Variants in CDH12 observed in about 807,000 individuals in gnomAD.
CDH12 encodes cadherin 12.
CDH12 carries 41 observed loss-of-function variants against 74.1 expected under a neutral mutation model. The observed-to-expected ratio is 0.55, with a 90% confidence interval of 0.43 to 0.72. The LOEUF is 0.72. Ranked by LOEUF, CDH12 falls within the 30% of genes least tolerant of loss-of-function variation. CDH12 has a pLI of 0.00. For synonymous variants in CDH12, 399 were observed against 355.0 expected (o/e 1.12, Z -1.39); for missense variants, 945 against 977.2 (o/e 0.97, Z 0.44).
chr5:22,233,179 G>A (rs1243049694), intron 3 of CDH12, among the ~76,000 whole-genome samples: 2 of 151,552 alleles, frequency 1.3e-5, no homozygotes, highest in African/African-American at 4.8e-5. Context: ...ATTCATAAAC[G>A]TAATTCTGCT....
chr5:22,265,123 C>G (rs557400801), intron 3 of CDH12, among the ~76,000 whole-genome samples: 1 of 152,232 alleles, frequency 6.6e-6, no homozygotes, highest in East Asian at 1.9e-4. Flanking sequence ...AGCCAGAGAA[C>G]AGCAGAGGTA....
chr5:21,774,149 G>T (rs1299013634), intron 11 of CDH12, among the ~76,000 whole-genome samples: 2 of 152,098 alleles, frequency 1.3e-5, no homozygotes, highest in African/African-American at 4.8e-5. Flanking sequence ...ATTTGAGTCA[G>T]TAGAATGGGA....
chr5:21,994,160 T>C (rs1736130376), intron 5 of CDH12, among the ~76,000 whole-genome samples: 1 of 151,842 alleles, frequency 6.6e-6, no homozygotes, highest in Non-Finnish European at 1.5e-5. Flanking sequence ...TGGCCAATAA[T>C]CATGGGCAGC....
chr5:22,744,645 A>G (rs567346342), intron 1 of CDH12, among the ~76,000 whole-genome samples: 1 of 152,274 alleles, frequency 6.6e-6, no homozygotes, highest in African/African-American at 2.4e-5. Flanking sequence ...AATTTTATAG[A>G]TAGCAACTGT....
chr5:22,684,736 A>T (rs10045913), intron 1 of CDH12, among the ~76,000 whole-genome samples: 100,033 of 152,066 alleles, frequency 0.66, 33,076 homozygotes, highest in African/African-American at 0.69. Context: ...TACTTGCAAC[A>T]TCGTTGTATA....
At chr5:22,270,367 G>C (rs1469035442) in intron 3 of CDH12, among the ~76,000 whole-genome samples, 9 of 152,026 alleles carry the variant, frequency 5.9e-5, no homozygotes, top group Non-Finnish European at 1.2e-4. Context: ...AGGCTGAGGT[G>C]GGCGGATCAT....
chr5:22,483,759 T>C (rs753819325), intron 2 of CDH12, among the ~76,000 whole-genome samples: 1 of 97,576 alleles, frequency 1.0e-5, no homozygotes, highest in Non-Finnish European at 2.1e-5. Flanking sequence ...TATATATATA[T>C]ATATAAATTT....
chr5:21,817,122 G>A lies in CDH12; in HGVS notation c.825C>T (p.His275=), dbSNP rs1161484242. ...NPPRFPKSIF[H]LKVPESSPIG... is the part of the protein sequence containing the mutation. ...TAGGGGAAGACTCAGGAACTTTCAA[G>A]TGGAAGATGCCTGATAAGACATATA... Residue 275 remains histidine (H), a synonymous_variant, in exon 9 of 15, where the codon CAC becomes CAT. Transcript: ENST00000382254. 3.1e-6 allele frequency: 5 copies of A among 1,607,516 alleles called. No individual in the cohort carries two copies. Among genetic ancestry groups the A allele is most frequent in the Non-Finnish European group, 3.4e-6 (4 of 1,176,554 alleles).
At chr5:22,255,167 G>A (rs1346754908) in intron 3 of CDH12, among the ~76,000 whole-genome samples, 1 of 151,746 alleles carries the variant, frequency 6.6e-6, no homozygotes, top group Non-Finnish European at 1.5e-5. Context: ...GCTATTTCTT[G>A]AAGGAAGCCT....
At chr5:21,778,380 G>A (rs1315008992) in intron 11 of CDH12, among the ~76,000 whole-genome samples, 5 of 134,550 alleles carry the variant, frequency 3.7e-5, no homozygotes, top group Non-Finnish European at 7.7e-5. Context: ...TTATTATATT[G>A]TTAATGTTAT....
Position 21,855,549 on chromosome 5 carries a change from T to C in CDH12, c.527-759A>G, listed in dbSNP as rs184620204. Among the ~76,000 whole-genome samples the C allele has an allele frequency of 1.2e-4, 17 of 142,380 alleles. No individual in the cohort carries two copies. In the Admixed American group the frequency reaches 1.3e-3, roughly 11 times the overall value. The allele number at this position is 142,380 out of a possible 152,430, so 93.4% of individuals were successfully genotyped here. A position where few individuals can be genotyped will look rare whatever the true frequency, so the allele number is the denominator to read the frequency against. On this transcript the variant is annotated intron_variant, in intron 6 of 14. Transcript: ENST00000382254. Reference sequence around the variant, plus strand: ...GTGAGTATCTCTTCCTAATATCCTGTTCAAGTTACTATTCTGAGTTCAGAA... The same window carrying C: ...GTGAGTATCTCTTCCTAATATCCTGCTCAAGTTACTATTCTGAGTTCAGAA...
chr5:22,082,904 C>T (rs1281195448), intron 4 of CDH12, among the ~76,000 whole-genome samples: 2 of 152,296 alleles, frequency 1.3e-5, no homozygotes, highest in Non-Finnish European at 2.9e-5. Context: ...ATTTCTCTCT[C>T]AAAGTAGGCT....
At chr5:21,807,076 C>T (rs1401959148) in intron 9 of CDH12, among the ~76,000 whole-genome samples, 3 of 152,154 alleles carry the variant, frequency 2.0e-5, no homozygotes, top group South Asian at 4.1e-4. Flanking sequence ...TCCCTAATTG[C>T]TCCTACAGAT....
intron 1 of CDH12, among the ~76,000 whole-genome samples, chr5:22,721,334 G>A (rs1395735073): frequency 6.6e-6 from 1 of 152,248 alleles, no homozygotes; most frequent in Non-Finnish European, 1.5e-5. Context: ...TTATTTTGGA[G>A]CTTTAAGATT....
chr5:22,053,233 A>T (rs1740508207), intron 5 of CDH12, among the ~76,000 whole-genome samples: 1 of 152,108 alleles, frequency 6.6e-6, no homozygotes, highest in African/African-American at 2.4e-5. Context: ...GCTTTTCTGT[A>T]TCTGATAATT....
At chr5:22,569,943 T>A (rs963116493) in intron 1 of CDH12, among the ~76,000 whole-genome samples, 1 of 152,226 alleles carries the variant, frequency 6.6e-6, no homozygotes, top group Non-Finnish European at 1.5e-5. Flanking sequence ...CAATGGTGAA[T>A]CCTTTCCAAA....
chr5:21,923,330 C>A (rs909152034), intron 6 of CDH12, among the ~76,000 whole-genome samples: 5 of 152,010 alleles, frequency 3.3e-5, no homozygotes, highest in African/African-American at 1.2e-4. Context: ...CCCTGTCTCT[C>A]GTGTGTGGGT....
At position 22,459,398 on chromosome 5, in the gene CDH12, T is replaced by C. The variant is rs1444317902; in HGVS notation, c.-428+45872A>G. Among the ~76,000 whole-genome samples the C allele has an allele frequency of 3.9e-5, 6 of 152,276 alleles. No individual in the cohort carries two copies. In the East Asian group the frequency reaches 1.2e-3, roughly 29 times the overall value. On this transcript the variant is annotated intron_variant, in intron 2 of 14. Coordinates refer to ENST00000382254, the MANE Select transcript of CDH12 (RefSeq NM_004061.5). ...GTATTGCAACATTAAAATTTTTGTT[T>C]AGCTATCTTATTTTAATCAAATAAT... is the stretch of plus-strand genomic sequence containing the variant.
intron 3 of CDH12, among the ~76,000 whole-genome samples, chr5:22,290,934 G>A (rs959909953): frequency 4.6e-5 from 7 of 152,118 alleles, no homozygotes; most frequent in African/African-American, 1.7e-4. Flanking sequence ...ATTTAAAGAA[G>A]ATCTAATACC....
Sources: allele counts gnomAD v4.1 joint callset (sites outside exome capture counted in the v4.1 genomes callset), GRCh38; gene constraint gnomAD v4.1.1; transcripts MANE v1.5; gene names NCBI Gene and HGNC (gene_info 2026-07-23, HGNC 2026-07-21).